The following CCDC3 variants were observed in gnomAD, a reference collection of about 807,000 sequenced individuals.
CCDC3 encodes the protein coiled-coil domain containing 3, also known as coiled-coil domain-containing protein 3.
In CCDC3, 24 loss-of-function variants were observed where a neutral mutation model predicts 21.4. The ratio of observed to expected loss-of-function variants is 1.12; its 90% CI spans 0.81 to 1.58. CCDC3 has a LOEUF of 1.58. CCDC3 is among the 40% of genes most tolerant of loss of function. The pLI, the probability that CCDC3 is intolerant of heterozygous loss-of-function variation, is 0.00. For missense variants in CCDC3, 425 were observed against 360.9 expected (o/e 1.18, Z -1.44); for synonymous variants, 186 against 166.0 (o/e 1.12, Z -0.93).
At chr10:12,993,799 G>A (rs993056696) in intron 2 of CCDC3, among the ~76,000 whole-genome samples, 1 of 152,158 alleles carries the variant, frequency 6.6e-6, no homozygotes, top group African/African-American at 2.4e-5. Context: ...AGATCCCGTT[G>A]CTATTTACTA....
Position 13,029,390 on chromosome 10 carries a change from A to T in CCDC3, c.-2+20284T>A, listed in dbSNP as rs998129954. Among the ~76,000 whole-genome samples, 4 of 152,324 alleles carry T rather than the reference A, an allele frequency of 2.6e-5. No individual in the cohort carries two copies. The Middle Eastern group carries it at 0.014, about 518-fold the overall frequency. On this transcript the variant is annotated intron_variant, in intron 5 of 6. Transcript: ENST00000378839. The stretch of plus-strand genomic sequence containing the variant: ...AACCACAAAGATGGGGAGAAACCAG[A>T]GCAGAAAAGCTGAAAATTCTAAAAA...
intron 2 of CCDC3, among the ~76,000 whole-genome samples, chr10:12,969,135 A>T (rs780431535): frequency 1.3e-5 from 2 of 152,196 alleles, no homozygotes; most frequent in Non-Finnish European, 2.9e-5. Context: ...CAATTAAAAA[A>T]TGGGCAAAGG....
intron 3 of CCDC3, among the ~76,000 whole-genome samples, chr10:13,085,503 C>A (rs1837091140): frequency 6.6e-6 from 1 of 152,236 alleles, no homozygotes; most frequent in African/African-American, 2.4e-5. Flanking sequence ...GCACTGAAAT[C>A]CGTGACCCCA....
At chr10:13,015,947 T>C (rs976044762) in intron 5 of CCDC3, among the ~76,000 whole-genome samples, 3 of 152,058 alleles carry the variant, frequency 2.0e-5, no homozygotes, top group Admixed American at 2.0e-4. Context: ...ACTAAGAGTA[T>C]AACTGGATTA....
intron 5 of CCDC3, among the ~76,000 whole-genome samples, chr10:13,044,080 G>T (rs1282283999): frequency 2.6e-5 from 4 of 152,116 alleles, no homozygotes; most frequent in Non-Finnish European, 5.9e-5. Context: ...TCTCATTGTA[G>T]TTTTGATTTG....
intron 3 of CCDC3, among the ~76,000 whole-genome samples, chr10:13,096,532 C>G (rs1832630967): frequency 6.6e-6 from 1 of 152,098 alleles, no homozygotes; most frequent in African/African-American, 2.4e-5. Flanking sequence ...TCGGGCACCA[C>G]TGGGGTCTGG....
intron 2 of CCDC3, among the ~76,000 whole-genome samples, chr10:12,933,454 C>CTTTTTTTTTTTTTTTTTTTTTT (rs545950029): frequency 8.6e-6 from 1 of 115,830 alleles, no homozygotes. Context: ...ATAATATTCC[C>CTTTTTTTTTTTTTTTTTTTTTT]TTTATTTTTT....
chr10:13,098,909 C>T (rs993339765), intron 2 of CCDC3, among the ~76,000 whole-genome samples: 5 of 151,688 alleles, frequency 3.3e-5, no homozygotes, highest in African/African-American at 4.8e-5. Context: ...TAGAGACAGG[C>T]TTTCACCATA....
intron 5 of CCDC3, among the ~76,000 whole-genome samples, chr10:13,042,172 G>A (rs981364708): frequency 1.3e-5 from 2 of 152,254 alleles, no homozygotes; most frequent in African/African-American, 4.8e-5. Flanking sequence ...GCAAATCACT[G>A]AAATCCTCTG....
intron 5 of CCDC3, among the ~76,000 whole-genome samples, chr10:13,012,414 C>T (rs1362626397): frequency 6.6e-6 from 1 of 152,148 alleles, no homozygotes; most frequent in Non-Finnish European, 1.5e-5. Flanking sequence ...GACATACTTG[C>T]AGCCAATAAG....
intron 2 of CCDC3, among the ~76,000 whole-genome samples, chr10:12,945,236 A>G (rs532299404): frequency 2.6e-5 from 4 of 152,362 alleles, no homozygotes; most frequent in Admixed American, 6.5e-5. Flanking sequence ...GATTTAGTAT[A>G]TAACTAAAAT....
At chr10:12,979,560 G>T (rs187321010) in intron 2 of CCDC3, among the ~76,000 whole-genome samples, 1 of 151,932 alleles carries the variant, frequency 6.6e-6, no homozygotes, top group Non-Finnish European at 1.5e-5. Flanking sequence ...TTTTAGTAGA[G>T]ACAGGGTCTT....
chr10:12,951,052 GCAAT>G (rs1235870020), intron 2 of CCDC3, among the ~76,000 whole-genome samples: 3 of 152,162 alleles, frequency 2.0e-5, no homozygotes, highest in Non-Finnish European at 2.9e-5. Context: ...AGGAGCTGAG[GCAAT>G]CAATCAGAAA....
chr10:13,027,369 T>C (rs12252985), intron 5 of CCDC3, among the ~76,000 whole-genome samples: 40,686 of 152,046 alleles, frequency 0.27, 6,474 homozygotes, highest in Non-Finnish European at 0.36. Context: ...TAACTCCCTT[T>C]AGAAATGGTT....
In CCDC3 at chr10:13,058,094, T is replaced by G; in HGVS notation, c.-269-8153A>C. 3.9e-6 allele frequency: 3 copies of G among 773,332 alleles called. No individual in the cohort carries two copies. The South Asian group carries it at 4.0e-5, about 10-fold the overall frequency. 47.9% of individuals were successfully genotyped at this position (773,332 alleles called of 1,614,324 possible). ...ATTCTGGCCCCTGATGTGCTTCTGG[T>G]GTACTTCTGCAATAAATTCCTTGTT... is the stretch of plus-strand genomic sequence containing the variant. On this transcript the variant is annotated intron_variant, in intron 4 of 6. Coordinates refer to the CCDC3 transcript ENST00000378839.
intron 2 of CCDC3, among the ~76,000 whole-genome samples, chr10:12,953,195 G>A (rs557399543): frequency 6.6e-6 from 1 of 152,310 alleles, no homozygotes; most frequent in African/African-American, 2.4e-5. Context: ...GATGGCAGCA[G>A]GCAAAGAGCT....
intron 5 of CCDC3, among the ~76,000 whole-genome samples, chr10:13,013,686 C>T (rs1836012684): frequency 6.6e-6 from 1 of 152,092 alleles, no homozygotes; most frequent in Non-Finnish European, 1.5e-5. Flanking sequence ...ACAGCATCAC[C>T]TTGTGATACT....
rs113487021 is a variant in CCDC3 at position 12,910,144 on chromosome 10, G to A, written c.550-11465C>T. Among the ~76,000 whole-genome samples, 1,418 of 152,326 alleles carry A rather than the reference G, an allele frequency of 9.3e-3. 9 individuals are homozygous for A. The highest frequency in any genetic ancestry group is 0.015 in the Non-Finnish European group (1,012 of 68,036). ...GAGAATTTATCAAACCCAGACACAG[G>A]CTTTTTTCTGCTACTGAACCAAGAC... is the stretch of plus-strand genomic sequence containing the variant. On this transcript the variant is annotated intron_variant, in intron 2 of 2. Coordinates refer to ENST00000378825, the MANE Select transcript of CCDC3 (RefSeq NM_031455.4).
At chr10:13,073,634 A>G (rs1836914176) in intron 4 of CCDC3, among the ~76,000 whole-genome samples, 1 of 151,856 alleles carries the variant, frequency 6.6e-6, no homozygotes, top group South Asian at 2.1e-4. Context: ...AGCTACAACT[A>G]CAAGCACCTG....
Sources: allele counts gnomAD v4.1 joint callset (sites outside exome capture counted in the v4.1 genomes callset), GRCh38; gene constraint gnomAD v4.1.1; transcripts MANE v1.5; gene names NCBI Gene and HGNC (gene_info 2026-07-23, HGNC 2026-07-21).